Variants in IL17B observed in about 807,000 individuals in gnomAD.
IL17B encodes the protein interleukin 17B.
IL17B carries 14 observed loss-of-function variants against 14.7 expected under a neutral mutation model. That is an observed-to-expected ratio of 0.95 (90% CI 0.63 to 1.49). The LOEUF (loss-of-function observed/expected upper bound fraction) is 1.49, where lower values mean the gene tolerates loss of function less well. Ranked by LOEUF, IL17B falls within the 40% of genes most tolerant of loss-of-function variation. IL17B has a pLI of 0.00. For synonymous variants in IL17B, 105 were observed against 94.8 expected, an observed-to-expected ratio of 1.11 and a Z score of -0.62; for missense variants, 233 against 252.8, an observed-to-expected ratio of 0.92 and a Z score of 0.53.
intron 1 of IL17B, among the ~76,000 whole-genome samples, chr5:149,399,064 C>T (rs1292770550): frequency 1.3e-5 from 2 of 152,228 alleles, no homozygotes; most frequent in South Asian, 2.1e-4. Flanking sequence ...GACTCATTTG[C>T]TATCATGAGA....
chr5:149,387,240 G>A (rs1758843266), intron 1 of IL17B, among the ~76,000 whole-genome samples: 1 of 152,198 alleles, frequency 6.6e-6, no homozygotes, highest in South Asian at 2.1e-4. Flanking sequence ...TCCATTGGAA[G>A]GTCAGTTCTC....
At position 149,374,524 on chromosome 5, in the gene IL17B, A is replaced by G; in HGVS notation, c.388T>C (p.Phe130Leu). The change falls in exon 3 of 3, where the codon TTC (phenylalanine) becomes CTC (leucine). Residue 130 changes from phenylalanine (F) to leucine (L), a missense_variant. Transcript: ENST00000261796. This position sits in a 1 kb window ranked among gnomAD's most constrained non-coding sequence, Gnocchi z 5.0. The part of the protein sequence containing the change: ...RCLCLGCVNP[F>L]TMQEDRSMVS... Reference sequence around the variant, plus strand: ...ATGCTGCGGTCCTCCTGCATGGTGAAGGGGTTCACACAGCCCAGACACAGG... The same window carrying G: ...ATGCTGCGGTCCTCCTGCATGGTGAGGGGGTTCACACAGCCCAGACACAGG... 1 of 1,613,320 alleles carries G rather than the reference A, an allele frequency of 6.2e-7. No homozygotes were observed. The highest frequency in any genetic ancestry group is 8.5e-7 in the Non-Finnish European group (1 of 1,180,020).
At chr5:149,379,506 G>A (rs571547204), upstream of IL17B, among the ~76,000 whole-genome samples, 5 of 152,348 alleles carry the variant, frequency 3.3e-5, no homozygotes, top group South Asian at 1.0e-3. Context: ...TGTCTGGTGG[G>A]GCTCTGGCCG....
intron 1 of IL17B, among the ~76,000 whole-genome samples, chr5:149,399,611 A>G (rs1759169123): frequency 6.6e-6 from 1 of 152,116 alleles, no homozygotes; most frequent in African/African-American, 2.4e-5. Flanking sequence ...TGTGTTAATG[A>G]CTGTGAACAC....
intron 1 of IL17B, among the ~76,000 whole-genome samples, chr5:149,396,741 C>G (rs372150938): frequency 3.3e-5 from 5 of 151,952 alleles, no homozygotes; most frequent in African/African-American, 1.2e-4. Flanking sequence ...CCAACCTGGG[C>G]GACAGAGTGA....
intron 1 of IL17B, among the ~76,000 whole-genome samples, chr5:149,386,991 C>T (rs1453528576): frequency 6.6e-6 from 1 of 152,224 alleles, no homozygotes; most frequent in Non-Finnish European, 1.5e-5. Context: ...CAGACATGAG[C>T]CACTGTGCGT....
intron 1 of IL17B, 103 bp from the exon 2 acceptor site, chr5:149,377,128 G>C (rs1048003726): frequency 1.0e-6 from 1 of 967,386 alleles, no homozygotes; most frequent in Non-Finnish European, 1.5e-6. Flanking sequence ...GGGTCTCCCA[G>C]GCTCAGGTCT....
intron 1 of IL17B, among the ~76,000 whole-genome samples, chr5:149,378,226 G>A (rs921895148): frequency 6.6e-6 from 1 of 152,154 alleles, no homozygotes; most frequent in Non-Finnish European, 1.5e-5. Context: ...AGATGAAGCT[G>A]GGGAGATGGG....
At chr5:149,399,162 C>T (rs757811998) in intron 1 of IL17B, among the ~76,000 whole-genome samples, 4 of 152,166 alleles carry the variant, frequency 2.6e-5, no homozygotes, top group South Asian at 2.1e-4. Context: ...AGCTACAAGA[C>T]GAGATTTGTG....
At position 149,402,688 on chromosome 5, in the gene IL17B, T is replaced by TAA. The variant is rs201335439; in HGVS notation, n.95+1419_95+1420insTT. 5.6e-3 allele frequency among the ~76,000 whole-genome samples: 669 copies of TAA among 118,462 alleles called. 8 individuals are homozygous for TAA. Among genetic ancestry groups the TAA allele is most frequent in the African/African-American group, 0.023 (624 of 26,776 alleles). The allele number at this position is 118,462 out of a possible 152,430, so 77.7% of individuals were successfully genotyped here. A position where few individuals can be genotyped will look rare whatever the true frequency, so the allele number is the denominator to read the frequency against. ...ATTTATCTTCTTTAATACCATGCTTTTAAAAAAAAAAAAAAAAAAAGAACA... is the reference window on the plus strand; with the variant it reads ...ATTTATCTTCTTTAATACCATGCTTTAATAAAAAAAAAAAAAAAAAAAGAACA... On this transcript the variant is annotated intron_variant and non_coding_transcript_variant, in intron 1 of 2. Coordinates refer to the IL17B transcript ENST00000505432.
intron 1 of IL17B, among the ~76,000 whole-genome samples, chr5:149,392,219 C>G (rs965373617): frequency 6.6e-6 from 1 of 152,232 alleles, no homozygotes; most frequent in East Asian, 1.9e-4. Context: ...CCAGGACAGG[C>G]TTTGCAGCAT....
At chr5:149,395,403 T>A (rs142149187) in intron 1 of IL17B, among the ~76,000 whole-genome samples, 16 of 152,344 alleles carry the variant, frequency 1.1e-4, no homozygotes, top group African/African-American at 3.8e-4. Context: ...GCCATGTTTT[T>A]ATGGTGTCTT....
intron 1 of IL17B, among the ~76,000 whole-genome samples, chr5:149,387,646 C>A (rs1561715087): frequency 6.6e-6 from 1 of 151,392 alleles, no homozygotes; most frequent in Non-Finnish European, 1.5e-5. Context: ...TGGTGGCATG[C>A]ATCTGTAGTC....
At chr5:149,399,969 C>A (rs925929806) in intron 1 of IL17B, among the ~76,000 whole-genome samples, 4 of 152,146 alleles carry the variant, frequency 2.6e-5, no homozygotes, top group Non-Finnish European at 4.4e-5. Context: ...AGGGAGGTTA[C>A]CTTCCTGCTT....
chr5:149,379,168 A>C (rs1758620828), intron 1 of IL17B, 37 bp downstream of exon 1: 1 of 1,613,674 alleles, frequency 6.2e-7, no homozygotes. Context: ...TGGGCTCTTA[A>C]AAAGGGGTGG....
At chr5:149,383,065 C>T (rs1445688532), upstream of IL17B, among the ~76,000 whole-genome samples, 2 of 152,164 alleles carry the variant, frequency 1.3e-5, no homozygotes, top group African/African-American at 4.8e-5. Context: ...ACTGCTGTGT[C>T]ATCTTGGGAA....
chr5:149,386,774 T>G (rs1758835240), intron 1 of IL17B, among the ~76,000 whole-genome samples: 1 of 152,160 alleles, frequency 6.6e-6, no homozygotes, highest in Non-Finnish European at 1.5e-5. Context: ...GGTGCAATCT[T>G]GGCTCACTGC....
chr5:149,378,094 A>C (rs1400502160), intron 1 of IL17B, among the ~76,000 whole-genome samples: 9 of 152,030 alleles, frequency 5.9e-5, no homozygotes, highest in Admixed American at 4.6e-4. Context: ...CAGTGAGCCG[A>C]GATCACACCA....
At chr5:149,395,959 G>T (rs1378493229) in intron 1 of IL17B, among the ~76,000 whole-genome samples, 8 of 150,238 alleles carry the variant, frequency 5.3e-5, no homozygotes, top group African/African-American at 2.0e-4. Context: ...CAAGTACTGG[G>T]ATTACTGGGC....
Sources: gnomAD v4.1 joint callset for allele counts (sites outside exome capture counted in the v4.1 genomes callset) on GRCh38, gnomAD v4.1.1 for gene constraint, Gnocchi (gnomAD v3.1) non-coding constraint, MANE v1.5 for transcripts, NCBI Gene and HGNC (gene_info 2026-07-23, HGNC 2026-07-21) for gene names.